The following ATP8B1 variants were observed in gnomAD, a reference collection of about 807,000 sequenced individuals.
The protein encoded by ATP8B1 is phospholipid-transporting ATPase IC.
Under a neutral mutation model 149.9 loss-of-function variants are expected in ATP8B1, and 80 were observed. The observed-to-expected ratio is 0.53, with a 90% CI of 0.45 to 0.64. The LOEUF (loss-of-function observed/expected upper bound fraction) is 0.64, where lower values mean the gene tolerates loss of function less well. ATP8B1 is among the 30% of genes least tolerant of loss of function. The pLI, the probability that ATP8B1 is intolerant of heterozygous loss-of-function variation, is 0.00. For synonymous variants in ATP8B1, 536 were observed against 562.8 expected (o/e 0.95, Z 0.67); for missense variants, 1,247 against 1,552.6 (o/e 0.80, Z 3.31).
chr18:57,733,531 C>T (rs2079811654), intron 1 of ATP8B1, among the ~76,000 whole-genome samples: 1 of 151,932 alleles, frequency 6.6e-6, no homozygotes, highest in South Asian at 2.1e-4. Context: ...ACAGTGAAAC[C>T]CCGTTTCTAC....
chr18:57,691,425 C>T lies in ATP8B1; in HGVS notation c.1220+382G>A, dbSNP rs28712757. 7.8e-3 allele frequency among the ~76,000 whole-genome samples: 1,193 copies of T among 152,190 alleles called. 22 individuals carry two copies. Among genetic ancestry groups the T allele is most frequent in the African/African-American group, 0.028 (1,142 of 41,516 alleles). ...TAAAGGCTCAGATAAGAGGTGAGGA[C>T]CACTTCCAAAAGGGAAAACTAAGTT... On this transcript the variant is annotated intron_variant, in intron 12 of 27. Coordinates refer to ENST00000648908, the MANE Select transcript of ATP8B1 (RefSeq NM_001374385.1).
chr18:57,680,798 A>G lies in ATP8B1; in HGVS notation c.1630+3238T>C, dbSNP rs186753625. On this transcript the variant is annotated intron_variant, in intron 15 of 27. Coordinates refer to ENST00000648908, the MANE Select transcript of ATP8B1 (RefSeq NM_001374385.1). The stretch of plus-strand genomic sequence containing the variant: ...GCCTCTGTGCCAATCTCCAGTGCCT[A>G]CCTGCTCCAGACTCTCACACCCGTG... 2.6e-5 allele frequency among the ~76,000 whole-genome samples: 4 copies of G among 152,116 alleles called. No individual in the cohort carries two copies. In the East Asian group the frequency reaches 5.8e-4, roughly 22 times the overall value.
intron 3 of ATP8B1, among the ~76,000 whole-genome samples, chr18:57,705,638 C>T (rs958928333): frequency 6.6e-6 from 1 of 152,096 alleles, no homozygotes; most frequent in African/African-American, 2.4e-5. Context: ...CCAAGGATTG[C>T]CAGTGGCCAC....
At position 57,675,009 on chromosome 18, in the gene ATP8B1, G is replaced by T; in HGVS notation, c.1644C>A (p.Tyr548Ter). 1 of 1,614,122 alleles carries T rather than the reference G, an allele frequency of 6.2e-7. No homozygotes were observed. The change falls in exon 16 of 28, where the codon TAC (tyrosine) becomes TAA (stop). Residue 548 changes from tyrosine (Y) to a stop codon, truncating the protein, a stop_gained. Transcript: ENST00000648908. LOFTEE classifies it high-confidence loss of function. ...MVDRTDGQLN[Y>*]QAASPDEGAL... is the part of the protein sequence containing the mutation. ...CACCTTCATCGGGAGAGGCTGCCTG[G>T]TAGTTGAGCTGACCTAACAAGGAAG...
At chr18:57,732,155 ATATATATG>A (rs2079778256) in intron 1 of ATP8B1, 1 of 43,640 alleles carries the variant, frequency 2.3e-5, no homozygotes, top group African/African-American at 8.4e-5. Flanking sequence ...GTATATATGT[ATATATATG>A]TATATATGTA....
intron 1 of ATP8B1, among the ~76,000 whole-genome samples, chr18:57,744,960 G>A (rs1012716395): frequency 3.9e-5 from 6 of 152,176 alleles, no homozygotes; most frequent in African/African-American, 7.2e-5. Context: ...AGGCAGATAA[G>A]TAAATAGAAA....
chr18:57,694,866 C>T (rs1195312551), intron 10 of ATP8B1, among the ~76,000 whole-genome samples, 196 bp from the exon 11 acceptor site: 1 of 151,852 alleles, frequency 6.6e-6, no homozygotes, highest in Non-Finnish European at 1.5e-5. Context: ...CCTGTCTCTA[C>T]TAAAAATACA....
rs1228800944 is a variant in ATP8B1, at chr18:57,729,574, G to T, written c.181+2053C>A. Among the ~76,000 whole-genome samples the T allele has an allele frequency of 7.6e-5, 5 of 65,998 alleles. No homozygotes were observed. The South Asian group carries it at 1.8e-3, about 23-fold the overall frequency. The allele number at this position is 65,998 out of a possible 152,430, so 43.3% of individuals were successfully genotyped here. A position where few individuals can be genotyped will look rare whatever the true frequency, so the allele number is the denominator to read the frequency against. On this transcript the variant is annotated intron_variant, in intron 2 of 27. Transcript: ENST00000648908. ...CTTTTTTTTTTTTTTTTTTGAGTTGGAGTTTCACTCTTGTTGCCCAGGCTG... is the reference window on the plus strand; with the variant it reads ...CTTTTTTTTTTTTTTTTTTGAGTTGTAGTTTCACTCTTGTTGCCCAGGCTG...
chr18:57,705,903 C>T (rs1443903441), intron 3 of ATP8B1, among the ~76,000 whole-genome samples: 1 of 152,046 alleles, frequency 6.6e-6, no homozygotes, highest in African/African-American at 2.4e-5. Context: ...CTCCTGTCAC[C>T]CAAGCTGGAG....
At chr18:57,699,264 TC>T (rs1048211996) in intron 6 of ATP8B1, among the ~76,000 whole-genome samples, 8 of 152,266 alleles carry the variant, frequency 5.3e-5, no homozygotes, top group African/African-American at 1.9e-4. Flanking sequence ...TGGCTTTTTT[TC>T]CTTTGCAAAT....
chr18:57,678,388 C>A (rs1190857640), intron 15 of ATP8B1, among the ~76,000 whole-genome samples: 1 of 149,762 alleles, frequency 6.7e-6, no homozygotes, highest in African/African-American at 2.4e-5. Context: ...GAGTTTGAGA[C>A]CGGCCTGGCC....
chr18:57,670,407 A>C (rs1911155126), intron 17 of ATP8B1, among the ~76,000 whole-genome samples: 1 of 142,962 alleles, frequency 7.0e-6, no homozygotes, highest in African/African-American at 2.6e-5. Context: ...GCTTGAGTGC[A>C]GTGGTGCGAT....
intron 1 of ATP8B1, among the ~76,000 whole-genome samples, chr18:57,742,152 G>A (rs903581321): frequency 8.5e-5 from 13 of 152,164 alleles, no homozygotes; most frequent in African/African-American, 3.1e-4. Context: ...TTATAGGCAT[G>A]AGCCACCACG....
chr18:57,668,185 T>C (rs2122702337), intron 19 of ATP8B1: 3 of 1,424,142 alleles, frequency 2.1e-6, no homozygotes, highest in East Asian at 3.1e-5. Flanking sequence ...AGACCAATTA[T>C]AATCAGCAAG....
chr18:57,657,427 A>AC (rs1366716085), intron 22 of ATP8B1, among the ~76,000 whole-genome samples: 1 of 152,224 alleles, frequency 6.6e-6, no homozygotes, highest in African/African-American at 2.4e-5. Context: ...GTTGGAGAAC[A>AC]CAACCTATCA....
chr18:57,706,342 A>G (rs576319902), intron 3 of ATP8B1, 148 bp downstream of exon 3: 29 of 682,098 alleles, frequency 4.3e-5, no homozygotes, highest in Admixed American at 3.9e-4. Context: ...ATCAATAAAA[A>G]TGACATTCTA....
At chr18:57,788,141 T>A (rs556416375) in intron 1 of ATP8B1, among the ~76,000 whole-genome samples, 84 of 152,346 alleles carry the variant, frequency 5.5e-4, no homozygotes, top group Non-Finnish European at 1.1e-3. Flanking sequence ...CTTGAAATGA[T>A]TTACAACCTG....
At chr18:57,653,084 C>T (rs903693504) in intron 24 of ATP8B1, among the ~76,000 whole-genome samples, 1 of 152,162 alleles carries the variant, frequency 6.6e-6, no homozygotes, top group South Asian at 2.1e-4. Context: ...AAAATTTTCT[C>T]ATACAAGTTG....
intron 2 of ATP8B1, among the ~76,000 whole-genome samples, chr18:57,719,347 A>C (rs2123059346): frequency 6.6e-6 from 1 of 152,304 alleles, no homozygotes. Flanking sequence ...CATCTGAGGT[A>C]CCGGGTTCAT....
Sources: gnomAD v4.1 joint callset for allele counts (sites outside exome capture counted in the v4.1 genomes callset) on GRCh38, gnomAD v4.1.1 for gene constraint, MANE v1.5 for transcripts, NCBI Gene and HGNC (gene_info 2026-07-23, HGNC 2026-07-21) for gene names.